Variants in CAMK4 observed in about 807,000 individuals in gnomAD.
The protein encoded by CAMK4 is calcium/calmodulin-dependent protein kinase type IV.
Under a neutral mutation model 44.9 loss-of-function variants are expected in CAMK4, and 22 were observed. The ratio of observed to expected loss-of-function variants is 0.49; its 90% confidence interval spans 0.35 to 0.70. The LOEUF (loss-of-function observed/expected upper bound fraction) is 0.70, where lower values mean the gene tolerates loss of function less well. CAMK4 is among the 30% of genes least tolerant of loss of function. The pLI, the probability that CAMK4 is intolerant of heterozygous loss-of-function variation, is 0.01. For synonymous variants in CAMK4, 218 were observed against 215.4 expected, an observed-to-expected ratio of 1.01 and a Z score of -0.11; for missense variants, 498 against 586.8, an observed-to-expected ratio of 0.85 and a Z score of 1.56.
intron 5 of CAMK4, among the ~76,000 whole-genome samples, chr5:111,403,888 A>G (rs548671810): frequency 2.0e-5 from 3 of 152,342 alleles, no homozygotes; most frequent in Admixed American, 6.5e-5. Flanking sequence ...CAAGTGAGCC[A>G]CAATAGATTC....
At chr5:111,468,269 A>G (rs902032424) in intron 7 of CAMK4, among the ~76,000 whole-genome samples, 2 of 152,132 alleles carry the variant, frequency 1.3e-5, no homozygotes, top group Non-Finnish European at 2.9e-5. Context: ...AATCCCCACT[A>G]AAGAAATTTT....
chr5:111,327,115 G>T (rs1386103908), intron 1 of CAMK4, among the ~76,000 whole-genome samples: 1 of 151,122 alleles, frequency 6.6e-6, no homozygotes, highest in East Asian at 2.0e-4. Flanking sequence ...CCATTAACTC[G>T]TCATTTAGCA....
chr5:111,344,833 A>G (rs980018388), intron 2 of CAMK4, among the ~76,000 whole-genome samples: 12 of 151,958 alleles, frequency 7.9e-5, no homozygotes, highest in African/African-American at 2.2e-4. Context: ...AATACTGTCT[A>G]TACCCCCAGA....
intron 7 of CAMK4, among the ~76,000 whole-genome samples, chr5:111,450,109 A>G (rs1254915683): frequency 6.6e-6 from 1 of 151,902 alleles, no homozygotes; most frequent in Non-Finnish European, 1.5e-5. Context: ...ACTTGAGGTC[A>G]GGAGTTCAAA....
At chr5:111,256,010 A>G (rs1031375285) in intron 1 of CAMK4, among the ~76,000 whole-genome samples, 8 of 152,212 alleles carry the variant, frequency 5.3e-5, no homozygotes, top group Non-Finnish European at 8.8e-5. Context: ...ATATAGCTGT[A>G]TGTATTTTGA....
chr5:111,411,323 A>G (rs1242011093), intron 5 of CAMK4, among the ~76,000 whole-genome samples: 1 of 152,220 alleles, frequency 6.6e-6, no homozygotes, highest in Non-Finnish European at 1.5e-5. Context: ...CTTGGACTTT[A>G]AGTCTCATAA....
At chr5:111,446,644 A>G (rs764748244) in intron 5 of CAMK4, 42 bp from the exon 6 acceptor site, 2 of 1,004,810 alleles carry the variant, frequency 2.0e-6, no homozygotes, top group South Asian at 1.4e-5. Flanking sequence ...CGAACCATAA[A>G]TAGCATTACA....
rs529046628 is a variant in CAMK4, at chr5:111,439,264, C to T, written c.460-7422C>T. Among the ~76,000 whole-genome samples, 28 of 152,138 alleles carry T rather than the reference C, an allele frequency of 1.8e-4. No individual in the cohort carries two copies. The South Asian group carries it at 1.9e-3, about 10-fold the overall frequency. On this transcript the variant is annotated intron_variant, in intron 5 of 10. Transcript: ENST00000282356. ...AGATCTTTCTACTCTTGTGGCAGTG[C>T]GAAGCAGGGACTGGAGGAGGTTAAT...
chr5:111,492,813 C>G lies in CAMK4; in HGVS notation c.*8347C>G, dbSNP rs1001164450. The stretch of plus-strand genomic sequence containing the variant: ...TTTGTAGTTGGAGAGAAAAGCCAAC[C>G]TTATAGATACAACCTGTACATATAT... On this transcript the variant is annotated 3_prime_UTR_variant, in exon 11 of 11. Transcript: ENST00000282356. The G allele has an allele frequency of 6.6e-6, 1 of 152,040 alleles. No individual in the cohort carries two copies. Among genetic ancestry groups the G allele is most frequent in the Non-Finnish European group, 1.5e-5 (1 of 68,018 alleles). 9.4% of individuals were successfully genotyped at this position (152,040 alleles called of 1,614,324 possible). A position where few individuals can be genotyped will look rare whatever the true frequency, so the allele number is the denominator to read the frequency against.
At chr5:111,396,129 A>C (rs1751997168) in intron 5 of CAMK4, among the ~76,000 whole-genome samples, 1 of 152,136 alleles carries the variant, frequency 6.6e-6, no homozygotes, top group Non-Finnish European at 1.5e-5. Context: ...AAAAGGGAAA[A>C]AATAACCTTT....
intron 5 of CAMK4, among the ~76,000 whole-genome samples, chr5:111,428,123 C>G (rs1311297231): frequency 1.1e-4 from 16 of 152,234 alleles, no homozygotes; most frequent in Non-Finnish European, 2.4e-4. Context: ...GTATTTTGTC[C>G]AAGACCATCA....
chr5:111,263,627 C>G lies in CAMK4; in HGVS notation c.161+38983C>G, dbSNP rs575950104. On this transcript the variant is annotated intron_variant, in intron 1 of 10. Transcript: ENST00000282356. ...TCTTTATTGGACATCCTGCTATAATCCATTTTTAATATAAACTTTAAAAAA... is the reference window on the plus strand; with the variant it reads ...TCTTTATTGGACATCCTGCTATAATGCATTTTTAATATAAACTTTAAAAAA... 2.6e-5 allele frequency among the ~76,000 whole-genome samples: 4 copies of G among 152,268 alleles called. No homozygotes were observed. In the South Asian group the frequency reaches 8.3e-4, roughly 32 times the overall value.
intron 2 of CAMK4, among the ~76,000 whole-genome samples, chr5:111,346,525 T>C (rs1319392541): frequency 1.4e-5 from 2 of 146,712 alleles, no homozygotes; most frequent in African/African-American, 5.0e-5. Context: ...TCCATCCATC[T>C]ATCTATTTCC....
At chr5:111,282,838 C>T (rs1470756859) in intron 1 of CAMK4, 1 of 152,206 alleles carries the variant, frequency 6.6e-6, no homozygotes, top group East Asian at 1.9e-4. Flanking sequence ...TATGCCTAAG[C>T]TATGGGACAT....
At chr5:111,225,906 G>C (rs1580447691) in intron 1 of CAMK4, among the ~76,000 whole-genome samples, 1 of 152,110 alleles carries the variant, frequency 6.6e-6, no homozygotes, top group African/African-American at 2.4e-5. Flanking sequence ...TTTTGATCAA[G>C]TTTTTCAGTA....
intron 5 of CAMK4, among the ~76,000 whole-genome samples, chr5:111,429,025 C>G (rs560948150): frequency 6.6e-6 from 1 of 151,958 alleles, no homozygotes; most frequent in African/African-American, 2.4e-5. Context: ...CTATATGTAC[C>G]TACATCAGAA....
intron 5 of CAMK4, among the ~76,000 whole-genome samples, chr5:111,421,158 A>T (rs1753017954): frequency 1.3e-5 from 2 of 152,238 alleles, no homozygotes; most frequent in Admixed American, 1.3e-4. Context: ...TTCTTCTGCC[A>T]TGGCTTCAGC....
chr5:111,485,332 C>A lies in CAMK4; in HGVS notation c.*866C>A, dbSNP rs1279826155. On this transcript the variant is annotated 3_prime_UTR_variant, in exon 11 of 11. Coordinates refer to ENST00000282356, the MANE Select transcript of CAMK4 (RefSeq NM_001744.6). ...TTTTCCAGATAAAATTGTATTTACT[C>A]ATGAATTTATACAACTTTACAGATA... 1 of 152,116 alleles carries A rather than the reference C, an allele frequency of 6.6e-6. No individual in the cohort carries two copies. Among genetic ancestry groups the A allele is most frequent in the Non-Finnish European group, 1.5e-5 (1 of 68,016 alleles). 9.4% of individuals were successfully genotyped at this position (152,116 alleles called of 1,614,324 possible). A position where few individuals can be genotyped will look rare whatever the true frequency, so the allele number is the denominator to read the frequency against.
Position 111,376,250 on chromosome 5 carries a change from C to T in CAMK4, c.304-610C>T, listed in dbSNP as rs921192710. ...AGACTAGTCCTGGCTACTAGATTCTCGTATATATGGAGAAAAATATATAAA... is the reference window on the plus strand; with the variant it reads ...AGACTAGTCCTGGCTACTAGATTCTTGTATATATGGAGAAAAATATATAAA... On this transcript the variant is annotated intron_variant, in intron 3 of 10. Transcript: ENST00000282356. Among the ~76,000 whole-genome samples, 4 of 151,802 alleles carry T rather than the reference C, an allele frequency of 2.6e-5. No homozygotes were observed. In the South Asian group the frequency reaches 6.2e-4, roughly 24 times the overall value.
Sources: gnomAD v4.1 joint callset for allele counts (sites outside exome capture counted in the v4.1 genomes callset) on GRCh38, gnomAD v4.1.1 for gene constraint, MANE v1.5 for transcripts, NCBI Gene and HGNC (gene_info 2026-07-23, HGNC 2026-07-21) for gene names.